PCDHGA4: variants seen among roughly 807,000 people sequenced by gnomAD.
PCDHGA4 encodes the protein protocadherin gamma-A4.
A neutral mutation model predicts 54.6 loss-of-function variants in PCDHGA4; 38 were observed. That is an observed-to-expected ratio of 0.70 (90% CI 0.54 to 0.91). PCDHGA4 has a LOEUF of 0.91. Among genes scored for constraint, PCDHGA4 ranks in the 40% least tolerant of loss-of-function variants. PCDHGA4 has a pLI of 0.00. For synonymous variants in PCDHGA4, 511 were observed against 512.9 expected (o/e 1.00, Z 0.05); for missense variants, 1,298 against 1,220.9 (o/e 1.06, Z -0.94).
At chr5:141,408,894 C>A (rs778126197) in intron 1 of PCDHGA4, 1 of 1,613,304 alleles carries the variant, frequency 6.2e-7, no homozygotes, top group East Asian at 2.2e-5. Flanking sequence ...ATAGAAATTT[C>A]TGTCAAGGAT....
intron 1 of PCDHGA4, chr5:141,428,113 T>G: frequency 3.7e-6 from 6 of 1,607,492 alleles, no homozygotes; most frequent in Non-Finnish European, 5.1e-6. Context: ...CTGCAGGCCA[T>G]CGAGCCCGGG....
rs1554136305 is a variant in PCDHGA4, at chr5:141,450,006, CT to C, written c.2515-44783del. Reference sequence around the variant, plus strand: ...CACATTGCATTTAGTTGCCATGTCTCTTTTTTTTTTTTTTTTTTGAGACAGG... The same window carrying C: ...CACATTGCATTTAGTTGCCATGTCTCTTTTTTTTTTTTTTTTTGAGACAGG... On this transcript the variant is annotated intron_variant, in intron 1 of 3. Coordinates refer to ENST00000571252, the MANE Select transcript of PCDHGA4 (RefSeq NM_018917.4). Among the ~76,000 whole-genome samples, 140 of 132,944 alleles carry C rather than the reference CT, an allele frequency of 1.1e-3. 2 individuals are homozygous for C. In the Middle Eastern group the frequency reaches 0.016, roughly 15 times the overall value. 87.2% of individuals were successfully genotyped at this position (132,944 alleles called of 152,430 possible). A position where few individuals can be genotyped will look rare whatever the true frequency, so the allele number is the denominator to read the frequency against.
At chr5:141,483,801 C>CT (rs1486591615) in intron 1 of PCDHGA4, among the ~76,000 whole-genome samples, 8 of 152,168 alleles carry the variant, frequency 5.3e-5, no homozygotes, top group Non-Finnish European at 8.8e-5. Flanking sequence ...GTTGTTGCTG[C>CT]TTTTTTTGGC....
intron 1 of PCDHGA4, chr5:141,377,207 A>G (rs1170353646): frequency 6.6e-6 from 1 of 152,122 alleles, no homozygotes; most frequent in Non-Finnish European, 1.5e-5. Context: ...GATTGAGTAC[A>G]TCTCGTTTCT....
At chr5:141,474,447 G>A (rs1263877262) in intron 1 of PCDHGA4, among the ~76,000 whole-genome samples, 1 of 152,218 alleles carries the variant, frequency 6.6e-6, no homozygotes, top group Non-Finnish European at 1.5e-5. Flanking sequence ...AGTAGCAAGT[G>A]ATTGGGCTAT....
chr5:141,476,564 C>G lies in PCDHGA4; in HGVS notation c.2515-18243C>G, dbSNP rs2099393821. 1.2e-6 allele frequency: 2 copies of G among 1,614,196 alleles called. No individual in the cohort carries two copies. Among genetic ancestry groups the G allele is most frequent in the South Asian group, 1.1e-5 (1 of 91,086 alleles). ...ATTGGAGATTAGCGAGGCCGTGGCT[C>G]CGGGGACGCGCTTTCCGCTCGAGAG... On this transcript the variant is annotated intron_variant, in intron 1 of 3. Coordinates refer to ENST00000571252, the MANE Select transcript of PCDHGA4 (RefSeq NM_018917.4). This position sits in a 1 kb window ranked among gnomAD's most constrained non-coding sequence, Gnocchi z 7.6.
At chr5:141,452,082 T>C (rs924362905) in intron 1 of PCDHGA4, among the ~76,000 whole-genome samples, 6 of 152,358 alleles carry the variant, frequency 3.9e-5, no homozygotes, top group Admixed American at 6.5e-5. Flanking sequence ...GTTGGCATTA[T>C]ACAGTAAGAA....
intron 1 of PCDHGA4, among the ~76,000 whole-genome samples, chr5:141,443,764 C>A (rs1351060316): frequency 6.6e-6 from 1 of 151,708 alleles, no homozygotes; most frequent in Non-Finnish European, 1.5e-5. Flanking sequence ...TTACAATATA[C>A]AATATTACCA....
At chr5:141,446,069 C>T (rs552817495) in intron 1 of PCDHGA4, among the ~76,000 whole-genome samples, 1 of 152,102 alleles carries the variant, frequency 6.6e-6, no homozygotes, top group South Asian at 2.1e-4. Flanking sequence ...AAAGGGGAGG[C>T]AGTGGATGTA....
intron 1 of PCDHGA4, among the ~76,000 whole-genome samples, chr5:141,382,009 A>G (rs1219907347): frequency 6.6e-6 from 1 of 151,376 alleles, no homozygotes; most frequent in African/African-American, 2.4e-5. Flanking sequence ...TTGTATTTTT[A>G]GTAGAGACGG....
At chr5:141,421,079 T>A (rs2096545177) in intron 1 of PCDHGA4, 1 of 630,528 alleles carries the variant, frequency 1.6e-6, no homozygotes, top group Non-Finnish European at 2.7e-6. Context: ...AGATGGATAC[T>A]CACAGATCCT....
intron 1 of PCDHGA4, chr5:141,370,240 G>A: frequency 1.6e-6 from 1 of 624,266 alleles, no homozygotes; most frequent in Non-Finnish European, 2.6e-6. Flanking sequence ...CGGAAGAAAA[G>A]TGCACTCTCT....
At chr5:141,428,290 C>G in intron 1 of PCDHGA4, 2 of 726,802 alleles carry the variant, frequency 2.8e-6, no homozygotes, top group Non-Finnish European at 4.8e-6. Context: ...CCAAGCAAAG[C>G]TGCAGATTTA....
chr5:141,383,276 T>G lies in PCDHGA4; in HGVS notation c.2514+25655T>G, dbSNP rs550293015. The G allele has an allele frequency of 3.8e-5, 61 of 1,613,822 alleles. No homozygotes were observed. The highest frequency in any genetic ancestry group is 5.1e-5 in the Non-Finnish European group (60 of 1,179,878). Reference sequence around the variant, plus strand: ...CCTATAGACGTGGAAATAATAGATATTAATGACAACGTTCCAAGATTCTTG... The same window carrying G: ...CCTATAGACGTGGAAATAATAGATAGTAATGACAACGTTCCAAGATTCTTG... On this transcript the variant is annotated intron_variant, in intron 1 of 3. Transcript: ENST00000571252.
At chr5:141,482,544 A>AAAC (rs1041838777) in intron 1 of PCDHGA4, among the ~76,000 whole-genome samples, 4 of 151,844 alleles carry the variant, frequency 2.6e-5, no homozygotes, top group Non-Finnish European at 4.4e-5. Context: ...AAAAAAAAAA[A>AAAC]AAAAAGATAA....
chr5:141,379,097 A>G (rs1775367339), intron 1 of PCDHGA4: 1 of 152,260 alleles, frequency 6.6e-6, no homozygotes, highest in Non-Finnish European at 1.5e-5. Context: ...ATGTGTAAGA[A>G]AAAAGCAATT....
chr5:141,413,198 C>G, intron 1 of PCDHGA4: 1 of 1,611,416 alleles, frequency 6.2e-7, no homozygotes, highest in Non-Finnish European at 8.5e-7. Context: ...AGGAATCGCT[C>G]AAAGGAATCA....
At chr5:141,375,246 G>C in intron 1 of PCDHGA4, 1 of 1,613,930 alleles carries the variant, frequency 6.2e-7, no homozygotes, top group South Asian at 1.1e-5. Flanking sequence ...TCCATCCCGA[G>C]AAGTCTCCCA....
At chr5:141,365,090 A>G (rs774588043) in intron 1 of PCDHGA4, 1 of 1,613,830 alleles carries the variant, frequency 6.2e-7, no homozygotes, top group East Asian at 2.2e-5. Flanking sequence ...TGTTCCAGAG[A>G]ACATACCTGT....
Sources: gnomAD v4.1 joint callset for allele counts (sites outside exome capture counted in the v4.1 genomes callset) on GRCh38, gnomAD v4.1.1 for gene constraint, Gnocchi (gnomAD v3.1) non-coding constraint, MANE v1.5 for transcripts, NCBI Gene and HGNC (gene_info 2026-07-23, HGNC 2026-07-21) for gene names.